The following PLEKHA8 variants were observed in gnomAD, a reference collection of about 807,000 sequenced individuals.
PLEKHA8 encodes the protein pleckstrin homology domain-containing family A member 8.
A neutral mutation model predicts 68.2 loss-of-function variants in PLEKHA8; 36 were observed. The ratio of observed to expected loss-of-function variants is 0.53; its 90% CI spans 0.40 to 0.70. PLEKHA8 has a LOEUF of 0.70. PLEKHA8 is among the 30% of genes least tolerant of loss of function. The probability of loss-of-function intolerance (pLI) is 0.00; values close to 1 mark genes in which losing one functional copy is unlikely to be tolerated. For missense variants in PLEKHA8, 505 were observed against 615.4 expected (o/e 0.82, Z 1.90); for synonymous variants, 211 against 216.1 (o/e 0.98, Z 0.20).
chr7:30,077,144 GA>G (rs1794656827), intron 13 of PLEKHA8, among the ~76,000 whole-genome samples: 1 of 152,030 alleles, frequency 6.6e-6, no homozygotes, highest in Non-Finnish European at 1.5e-5. Context: ...TCCAAATTTT[GA>G]AGGCATTCCT....
chr7:30,120,560 C>T (rs1237425068), intron 13 of PLEKHA8, among the ~76,000 whole-genome samples: 1 of 152,206 alleles, frequency 6.6e-6, no homozygotes, highest in African/African-American at 2.4e-5. Flanking sequence ...TTCAGTTAAA[C>T]ATTTAGGTTG....
At chr7:30,062,624 A>C (rs750368242) in intron 11 of PLEKHA8, 48 bp from the exon 12 acceptor site, 1 of 1,413,314 alleles carries the variant, frequency 7.1e-7, no homozygotes, top group Admixed American at 1.7e-5. Context: ...TACCCACTCA[A>C]CATAAGTGAA....
chr7:30,056,582 A>G (rs980170305), intron 9 of PLEKHA8, among the ~76,000 whole-genome samples: 2 of 148,094 alleles, frequency 1.4e-5, no homozygotes, highest in African/African-American at 4.9e-5. Context: ...TACAAAAATT[A>G]GCTGAGTGTG....
chr7:30,047,698 C>G (rs1583800823), intron 3 of PLEKHA8, 134 bp from the exon 4 acceptor site: 2 of 909,996 alleles, frequency 2.2e-6, no homozygotes, highest in East Asian at 7.2e-5. Flanking sequence ...GCAACCCATA[C>G]TTTAAAGATT....
At position 30,051,629 on chromosome 7, in the gene PLEKHA8, G is replaced by A. The variant is rs147273911; in HGVS notation, c.639-1080G>A. 7.5e-4 allele frequency among the ~76,000 whole-genome samples: 114 copies of A among 152,164 alleles called. No homozygotes were observed. The East Asian group carries it at 0.019, about 25-fold the overall frequency. On this transcript the variant is annotated intron_variant, in intron 6 of 13. Transcript: ENST00000449726. The stretch of plus-strand genomic sequence containing the variant: ...CCCTAATGTGCTGACATTTCCCTCA[G>A]GATGTGATGTGGTCCTCCTGGGTTT...
intron 13 of PLEKHA8, chr7:30,115,867 TACATGTAGGC>T (rs1796474463): frequency 2.0e-5 from 3 of 149,592 alleles, no homozygotes; most frequent in African/African-American, 7.3e-5. Context: ...TACGTGCACA[TACATGTAGGC>T]ACGCATACAT....
At chr7:30,048,496 C>T (rs562033569) in intron 4 of PLEKHA8, among the ~76,000 whole-genome samples, 1 of 152,072 alleles carries the variant, frequency 6.6e-6, no homozygotes, top group Non-Finnish European at 1.5e-5. Context: ...TTTTTCTCTT[C>T]ATTGTCAGCA....
chr7:30,079,250 T>C lies in PLEKHA8; in HGVS notation c.*463T>C, dbSNP rs1794800798. 1.0e-6 allele frequency: 1 copy of C among 991,368 alleles called. No homozygotes were observed. The highest frequency in any genetic ancestry group is 1.2e-6 in the Non-Finnish European group (1 of 833,616). The allele number at this position is 991,368 out of a possible 1,614,324, so 61.4% of individuals were successfully genotyped here. On this transcript the variant is annotated 3_prime_UTR_variant, in exon 14 of 14. Transcript: ENST00000449726. ...TTTGTTGAAGCTGTGTAGAGTTTGC[T>C]GTTCCTAGATGTTCTTCAGTGGACC...
At chr7:30,076,272 C>G (rs1031202913) in intron 13 of PLEKHA8, among the ~76,000 whole-genome samples, 2 of 151,916 alleles carry the variant, frequency 1.3e-5, no homozygotes, top group Admixed American at 1.3e-4. Context: ...ATAATATTTT[C>G]CTAGTATGGA....
At chr7:30,095,265 C>G (rs1007372035), downstream of PLEKHA8, among the ~76,000 whole-genome samples, 24 of 152,356 alleles carry the variant, frequency 1.6e-4, no homozygotes, top group South Asian at 1.0e-3. Context: ...TTGCATTTCT[C>G]TGATGGCCAG....
At chr7:30,090,189 C>A (rs1795358130) in exon 13 of PLEKHA8, 1 of 1,549,244 alleles carries the variant, frequency 6.5e-7, no homozygotes, top group Non-Finnish European at 8.7e-7. Flanking sequence ...CAAAACATAC[C>A]CTGATGAAGA....
Position 30,084,277 on chromosome 7 carries a change from G to T in PLEKHA8, c.*5490G>T. On this transcript the variant is annotated 3_prime_UTR_variant, in exon 14 of 14. Coordinates refer to ENST00000449726, the MANE Select transcript of PLEKHA8 (RefSeq NM_001197026.2). ...ATGCCTAGTATTCTTATGAATGTTT[G>T]TGGTTTCATAGATTTATGCACTTTG... The T allele has an allele frequency of 1.0e-6, 1 of 985,312 alleles. No homozygotes were observed. Among genetic ancestry groups the T allele is most frequent in the Admixed American group, 6.1e-5 (1 of 16,278 alleles). The allele number at this position is 985,312 out of a possible 1,614,324, so 61.0% of individuals were successfully genotyped here.
intron 13 of PLEKHA8, chr7:30,115,752 GCA>G (rs1161441574): frequency 6.8e-6 from 1 of 146,736 alleles, no homozygotes; most frequent in African/African-American, 2.6e-5. Flanking sequence ...ATACATACGT[GCA>G]CATACATGTA....
At chr7:30,121,192 G>A (rs967657996) in intron 13 of PLEKHA8, among the ~76,000 whole-genome samples, 14 of 152,038 alleles carry the variant, frequency 9.2e-5, no homozygotes, top group African/African-American at 7.2e-5. Context: ...TTTGACCCAC[G>A]CATGCTTCCG....
chr7:30,050,551 C>T (rs1452260682), intron 6 of PLEKHA8, 77 bp downstream of exon 6: 19 of 1,412,836 alleles, frequency 1.3e-5, no homozygotes, highest in Non-Finnish European at 1.7e-5. Context: ...AAAAAAGATA[C>T]TTTGATCTTG....
chr7:30,115,998 A>ACATGCATG (rs1391730062), intron 13 of PLEKHA8: 1 of 141,834 alleles, frequency 7.1e-6, no homozygotes. Context: ...GCATACGCAT[A>ACATGCATG]CATACGCATA....
At chr7:30,061,826 T>C (rs1477197211) in intron 10 of PLEKHA8, 71 bp from the exon 11 acceptor site, 2 of 1,575,830 alleles carry the variant, frequency 1.3e-6, no homozygotes, top group Admixed American at 1.7e-5. Flanking sequence ...CTTACAAGTC[T>C]CCAGACTATA....
At chr7:30,116,780 C>G (rs1227423497) in intron 13 of PLEKHA8, among the ~76,000 whole-genome samples, 3 of 152,202 alleles carry the variant, frequency 2.0e-5, no homozygotes. Flanking sequence ...AAATTGCTCT[C>G]TGAGCAAAAC....
chr7:30,093,967 G>A (rs1283767256), downstream of PLEKHA8, among the ~76,000 whole-genome samples: 1 of 152,220 alleles, frequency 6.6e-6, no homozygotes, highest in Non-Finnish European at 1.5e-5. Flanking sequence ...AGATGGTGTT[G>A]TTATGAGGAT....
Sources: allele counts gnomAD v4.1 joint callset (sites outside exome capture counted in the v4.1 genomes callset), GRCh38; gene constraint gnomAD v4.1.1; transcripts MANE v1.5; gene names NCBI Gene and HGNC (gene_info 2026-07-23, HGNC 2026-07-21).